Variants in MB21D2 observed in about 807,000 individuals in gnomAD.
MB21D2 encodes the protein nucleotidyltransferase MB21D2.
MB21D2 carries 9 observed loss-of-function variants against 33.3 expected under a neutral mutation model. The ratio of observed to expected loss-of-function variants is 0.27; its 90% confidence interval spans 0.16 to 0.47. The LOEUF is 0.47. MB21D2 is among the 20% of genes least tolerant of loss of function. MB21D2 has a pLI of 0.99. For synonymous variants in MB21D2, 241 were observed against 236.3 expected (o/e 1.02, Z -0.18); for missense variants, 540 against 624.6 (o/e 0.86, Z 1.44).
At chr3:192,818,808 A>G (rs376353436) in intron 1 of MB21D2, among the ~76,000 whole-genome samples, 5 of 152,134 alleles carry the variant, frequency 3.3e-5, no homozygotes, top group African/African-American at 1.2e-4. Flanking sequence ...TGAGGATTTT[A>G]AGGAATATAT....
At chr3:192,815,754 T>C (rs1711908046) in intron 1 of MB21D2, among the ~76,000 whole-genome samples, 1 of 152,182 alleles carries the variant, frequency 6.6e-6, no homozygotes, top group African/African-American at 2.4e-5. Context: ...CAGGTATTCA[T>C]TTAGTTTGAA....
chr3:192,836,859 C>A (rs1379127044), intron 1 of MB21D2, among the ~76,000 whole-genome samples: 1 of 152,098 alleles, frequency 6.6e-6, no homozygotes, highest in African/African-American at 2.4e-5. Flanking sequence ...CTAATTTTCC[C>A]AAGGTCACAC....
intron 1 of MB21D2, among the ~76,000 whole-genome samples, chr3:192,835,155 A>T (rs1324820161): frequency 0.15 from 15,379 of 103,220 alleles, 2,454 homozygotes; most frequent in African/African-American, 0.47. Context: ...AGTGTCTTTA[A>T]AAAAAAAAAA....
intron 1 of MB21D2, among the ~76,000 whole-genome samples, chr3:192,913,455 T>A (rs2108657271): frequency 6.6e-6 from 1 of 152,332 alleles, no homozygotes; most frequent in East Asian, 1.9e-4. Context: ...ATATTCTTTT[T>A]TAGTTAGCAA....
In MB21D2 at chr3:192,799,461, A is replaced by G. The variant is rs1711511401; in HGVS notation, c.401T>C (p.Val134Ala). The G allele has an allele frequency of 6.2e-7, 1 of 1,614,114 alleles. No individual in the cohort carries two copies. Among genetic ancestry groups the G allele is most frequent in the African/African-American group, 1.3e-5 (1 of 74,940 alleles). Residue 134 changes from valine to alanine, a missense_variant, in exon 2 of 2, where the codon GTG (valine) becomes GCG (alanine). Coordinates refer to ENST00000392452, the MANE Select transcript of MB21D2 (RefSeq NM_178496.4). The surrounding 1 kb of genome is among the most constrained non-coding windows in gnomAD (Gnocchi z 4.1). ...GGCTGAGTGGCGCATGTCGAGTGTCACAGGCTGATTACGGTCATGCAGCTT... is the reference window on the plus strand; with the variant it reads ...GGCTGAGTGGCGCATGTCGAGTGTCGCAGGCTGATTACGGTCATGCAGCTT... The part of the protein sequence containing the change: ...ALKLHDRNQP[V>A]TLDMRHSALC...
chr3:192,808,477 T>C (rs931166269), intron 1 of MB21D2, among the ~76,000 whole-genome samples: 3 of 152,214 alleles, frequency 2.0e-5, no homozygotes, highest in African/African-American at 7.2e-5. Flanking sequence ...CCTACATGGT[T>C]TCACTAAGCA....
At chr3:192,837,004 C>T (rs780186424) in intron 1 of MB21D2, among the ~76,000 whole-genome samples, 2 of 152,054 alleles carry the variant, frequency 1.3e-5, no homozygotes, top group Non-Finnish European at 2.9e-5. Context: ...GACATCCAAA[C>T]GGCATACATC....
In MB21D2 at chr3:192,849,718, A is replaced by C. The variant is rs184408760; in HGVS notation, c.212-50068T>G. Among the ~76,000 whole-genome samples the C allele has an allele frequency of 3.0e-3, 460 of 152,330 alleles. 3 individuals are homozygous for C. Among genetic ancestry groups the C allele is most frequent in the African/African-American group, 0.01 (431 of 41,578 alleles). On this transcript the variant is annotated intron_variant, in intron 1 of 1. Transcript: ENST00000392452. ...GACACTTATTCTATTAAATAAAAAA[A>C]ACTATATTTATTTATGTCTATTGCT...
intron 1 of MB21D2, among the ~76,000 whole-genome samples, chr3:192,864,721 G>T (rs1003787816): frequency 1.3e-5 from 2 of 152,092 alleles, no homozygotes; most frequent in African/African-American, 4.8e-5. Flanking sequence ...TGGCCAGGCT[G>T]GTCTCGGACT....
chr3:192,840,354 T>C (rs538515204), intron 1 of MB21D2, among the ~76,000 whole-genome samples: 10 of 151,756 alleles, frequency 6.6e-5, no homozygotes, highest in South Asian at 4.2e-4. Context: ...AGCTCCTTTA[T>C]TGAATTCAAC....
intron 1 of MB21D2, among the ~76,000 whole-genome samples, chr3:192,838,377 C>A (rs1416823977): frequency 2.6e-5 from 4 of 151,950 alleles, no homozygotes; most frequent in Non-Finnish European, 5.9e-5. Context: ...GCCCAACCCA[C>A]CTTCAAGAGA....
chr3:192,887,316 C>T (rs1713753658), intron 1 of MB21D2, among the ~76,000 whole-genome samples: 1 of 152,020 alleles, frequency 6.6e-6, no homozygotes, highest in Non-Finnish European at 1.5e-5. Flanking sequence ...GTTAACTTTT[C>T]TTGAAGAGTG....
At chr3:192,902,336 A>C (rs1261806531) in intron 1 of MB21D2, among the ~76,000 whole-genome samples, 1 of 152,190 alleles carries the variant, frequency 6.6e-6, no homozygotes, top group African/African-American at 2.4e-5. Flanking sequence ...AGGTGCAAAG[A>C]GGGAAGGAGC....
intron 1 of MB21D2, among the ~76,000 whole-genome samples, chr3:192,858,686 G>C (rs1712971838): frequency 6.6e-6 from 1 of 152,136 alleles, no homozygotes; most frequent in Non-Finnish European, 1.5e-5. Context: ...AGCCCTGAAT[G>C]TGCAGTCTAT....
intron 1 of MB21D2, among the ~76,000 whole-genome samples, chr3:192,911,180 C>T (rs1714344144): frequency 6.6e-6 from 1 of 152,104 alleles, no homozygotes; most frequent in African/African-American, 2.4e-5. Context: ...ACCTATGCCA[C>T]TCACTTGCTG....
chr3:192,842,652 T>C (rs1712599622), intron 1 of MB21D2, among the ~76,000 whole-genome samples: 1 of 152,186 alleles, frequency 6.6e-6, no homozygotes, highest in South Asian at 2.1e-4. Context: ...TAATCCTTTA[T>C]AACACTGACA....
intron 1 of MB21D2, among the ~76,000 whole-genome samples, chr3:192,855,357 A>G (rs1712894684): frequency 6.6e-6 from 1 of 152,202 alleles, no homozygotes; most frequent in Non-Finnish European, 1.5e-5. Context: ...TCGGGCTCCC[A>G]AAGTGCTGTG....
At chr3:192,885,245 CATT>C (rs931163698) in intron 1 of MB21D2, among the ~76,000 whole-genome samples, 56 of 152,088 alleles carry the variant, frequency 3.7e-4, no homozygotes, top group Non-Finnish European at 2.9e-5. Flanking sequence ...ATAAATTGCA[CATT>C]ATTTAAACTC....
At chr3:192,834,026 A>T (rs1712377598) in intron 1 of MB21D2, among the ~76,000 whole-genome samples, 1 of 152,222 alleles carries the variant, frequency 6.6e-6, no homozygotes, top group Admixed American at 6.5e-5. Flanking sequence ...CAACGATCTC[A>T]GTTCATTCAT....
Sources: allele counts gnomAD v4.1 joint callset (sites outside exome capture counted in the v4.1 genomes callset), GRCh38; gene constraint gnomAD v4.1.1; non-coding constraint Gnocchi (gnomAD v3.1); transcripts MANE v1.5; gene names NCBI Gene and HGNC (gene_info 2026-07-23, HGNC 2026-07-21).